ASIC2: variants seen among roughly 807,000 people sequenced by gnomAD.
ASIC2 encodes the protein acid-sensing ion channel 2.
ASIC2 carries 25 observed loss-of-function variants against 57.3 expected under a neutral mutation model. The ratio of observed to expected loss-of-function variants is 0.44; its 90% CI spans 0.32 to 0.61. The LOEUF (loss-of-function observed/expected upper bound fraction) is 0.61, where lower values mean the gene tolerates loss of function less well. Among genes scored for constraint, ASIC2 ranks in the 20% least tolerant of loss-of-function variants. ASIC2 has a pLI of 0.06. For missense variants in ASIC2, 641 were observed against 738.1 expected (o/e 0.87, Z 1.52); for synonymous variants, 319 against 307.5 (o/e 1.04, Z -0.39).
intron 1 of ASIC2, among the ~76,000 whole-genome samples, chr17:34,074,622 A>G (rs1221722605): frequency 6.6e-6 from 1 of 152,108 alleles, no homozygotes. Context: ...AAACCCTGCG[A>G]GTAGGTAATT....
rs538223236 is a variant in ASIC2, at chr17:33,510,985, T to C, written c.556-398918A>G. ...GCATCCCCACACTTGCTTAGATGACTGTATTACAGCACACAGCAATTATTA... is the reference window on the plus strand; with the variant it reads ...GCATCCCCACACTTGCTTAGATGACCGTATTACAGCACACAGCAATTATTA... On this transcript the variant is annotated intron_variant, in intron 1 of 9. Coordinates refer to the ASIC2 transcript ENST00000359872. Among the ~76,000 whole-genome samples, 54 of 152,370 alleles carry C rather than the reference T, an allele frequency of 3.5e-4. No homozygotes were observed. The South Asian group carries it at 0.011, about 30-fold the overall frequency.
intron 3 of ASIC2, among the ~76,000 whole-genome samples, chr17:33,045,298 T>A (rs112866183): frequency 7.9e-5 from 12 of 151,992 alleles, no homozygotes; most frequent in African/African-American, 2.9e-4. Flanking sequence ...GCAAGAAGAG[T>A]GTTTTCAGTG....
At chr17:33,476,554 T>G (rs893463286) in intron 1 of ASIC2, among the ~76,000 whole-genome samples, 6 of 147,808 alleles carry the variant, frequency 4.1e-5, no homozygotes, top group South Asian at 4.3e-4. Context: ...GGTGTGTGTG[T>G]GTGTGTGTGT....
At chr17:33,111,273 G>A (rs1011741524) in intron 2 of ASIC2, among the ~76,000 whole-genome samples, 2 of 152,192 alleles carry the variant, frequency 1.3e-5, no homozygotes, top group African/African-American at 4.8e-5. Context: ...CCGTGATCAA[G>A]GACTTGATCT....
chr17:34,045,746 C>A (rs922295801), intron 1 of ASIC2, among the ~76,000 whole-genome samples: 2 of 152,156 alleles, frequency 1.3e-5, no homozygotes, highest in African/African-American at 4.8e-5. Flanking sequence ...ATTGGTCCTG[C>A]AGGAGAGAAG....
chr17:34,061,159 A>T (rs1479796334), intron 1 of ASIC2, among the ~76,000 whole-genome samples: 2 of 152,180 alleles, frequency 1.3e-5, no homozygotes, highest in African/African-American at 4.8e-5. Flanking sequence ...CTCAGCAGAA[A>T]CCCAACAAAC....
intron 1 of ASIC2, among the ~76,000 whole-genome samples, chr17:34,063,896 A>G (rs879191876): frequency 6.6e-6 from 1 of 152,242 alleles, no homozygotes; most frequent in Non-Finnish European, 1.5e-5. Flanking sequence ...AAATGGAAAC[A>G]CATTCCATGC....
At chr17:33,478,881 C>G (rs926718005) in intron 1 of ASIC2, among the ~76,000 whole-genome samples, 3 of 152,172 alleles carry the variant, frequency 2.0e-5, no homozygotes, top group Non-Finnish European at 4.4e-5. Flanking sequence ...ATTCTCGAAC[C>G]ACTAATGAAA....
rs12937553 is a variant in ASIC2, at chr17:34,039,506, G to A, written c.555+116472C>T. Reference sequence around the variant, plus strand: ...AAACCATAGAGGGGCTGTTCTACTCGTCGCGGTAAGGGATTGGATAAGGAA... The same window carrying A: ...AAACCATAGAGGGGCTGTTCTACTCATCGCGGTAAGGGATTGGATAAGGAA... On this transcript the variant is annotated intron_variant, in intron 1 of 9. Coordinates refer to the ASIC2 transcript ENST00000359872. 1,718 of 1,613,778 alleles carry A rather than the reference G, an allele frequency of 1.1e-3. 20 individuals are homozygous for A. In the African/African-American group the frequency reaches 0.018, roughly 17 times the overall value.
At chr17:34,044,115 C>T (rs1354110696) in intron 1 of ASIC2, among the ~76,000 whole-genome samples, 3 of 94,464 alleles carry the variant, frequency 3.2e-5, no homozygotes, top group African/African-American at 1.8e-4. Flanking sequence ...CACACACACA[C>T]ACACACACAC....
intron 1 of ASIC2, among the ~76,000 whole-genome samples, chr17:33,264,365 G>T (rs1382199351): frequency 6.6e-6 from 1 of 152,220 alleles, no homozygotes; most frequent in Non-Finnish European, 1.5e-5. Context: ...GATTGCCTCA[G>T]TGAATCCTTA....
intron 1 of ASIC2, among the ~76,000 whole-genome samples, chr17:33,738,207 CA>C (rs764068327): frequency 1.3e-5 from 2 of 152,258 alleles, no homozygotes; most frequent in Admixed American, 6.5e-5. Context: ...TATTGCCACC[CA>C]AAGCAGGAGC....
At chr17:33,620,248 A>AC (rs1555547837) in intron 1 of ASIC2, among the ~76,000 whole-genome samples, 3 of 151,428 alleles carry the variant, frequency 2.0e-5, no homozygotes, top group African/African-American at 7.3e-5. Context: ...ATGAAAAAAA[A>AC]AAAAAAAAAA....
intron 1 of ASIC2, among the ~76,000 whole-genome samples, chr17:33,233,710 G>A (rs998186294): frequency 6.6e-6 from 1 of 151,610 alleles, no homozygotes; most frequent in African/African-American, 2.4e-5. Context: ...ATGATTAGAA[G>A]GTCTCAAATT....
chr17:33,417,746 C>T (rs1910899201), intron 1 of ASIC2, among the ~76,000 whole-genome samples: 1 of 152,170 alleles, frequency 6.6e-6, no homozygotes. Context: ...CAAGAGAGGA[C>T]AGTTGCCACT....
intron 1 of ASIC2, among the ~76,000 whole-genome samples, chr17:34,018,247 G>A (rs12952582): frequency 2.2e-4 from 34 of 152,164 alleles, no homozygotes; most frequent in African/African-American, 7.2e-4. Context: ...AACAAAGCCT[G>A]GATGTCAGTA....
chr17:33,195,681 C>T (rs1050221999), intron 1 of ASIC2, among the ~76,000 whole-genome samples: 2 of 152,128 alleles, frequency 1.3e-5, no homozygotes, highest in East Asian at 1.9e-4. Flanking sequence ...AGGACACACA[C>T]GATCATCTTC....
At chr17:33,424,734 A>G (rs1457816210) in intron 1 of ASIC2, among the ~76,000 whole-genome samples, 1 of 151,880 alleles carries the variant, frequency 6.6e-6, no homozygotes, top group East Asian at 1.9e-4. Context: ...TTCAACAAAC[A>G]CACTTGAATC....
intron 1 of ASIC2, among the ~76,000 whole-genome samples, chr17:33,319,547 G>C (rs1231540761): frequency 6.6e-6 from 1 of 152,020 alleles, no homozygotes; most frequent in East Asian, 1.9e-4. Context: ...ATATTTATGG[G>C]TTACATGAGA....
Sources: gnomAD v4.1 joint callset for allele counts (sites outside exome capture counted in the v4.1 genomes callset) on GRCh38, gnomAD v4.1.1 for gene constraint, MANE v1.5 for transcripts, NCBI Gene and HGNC (gene_info 2026-07-23, HGNC 2026-07-21) for gene names.